The following HPSE2 variants were observed in gnomAD, a reference collection of about 807,000 sequenced individuals.
The protein encoded by HPSE2 is heparanase 2 (inactive).
Under a neutral mutation model 60.5 loss-of-function variants are expected in HPSE2, and 38 were observed. The ratio of observed to expected loss-of-function variants is 0.63; its 90% CI spans 0.48 to 0.82. HPSE2 has a LOEUF of 0.82. HPSE2 is among the 40% of genes least tolerant of loss of function. The pLI is 0.00. For missense variants in HPSE2, 713 were observed against 740.4 expected (o/e 0.96, Z 0.43); for synonymous variants, 295 against 293.2 (o/e 1.01, Z -0.06).
At chr10:98,556,642 C>T (rs1249815287) in intron 9 of HPSE2, among the ~76,000 whole-genome samples, 1 of 151,986 alleles carries the variant, frequency 6.6e-6, no homozygotes, top group Non-Finnish European at 1.5e-5. Flanking sequence ...AACTATAAAA[C>T]CTTATGGAAA....
intron 3 of HPSE2, among the ~76,000 whole-genome samples, chr10:99,078,776 G>A (rs948781264): frequency 3.4e-4 from 52 of 152,212 alleles, no homozygotes; most frequent in African/African-American, 1.2e-3. Context: ...GATGGTATCT[G>A]TGCATTAGAG....
At chr10:99,124,880 T>C (rs1845104650) in intron 3 of HPSE2, among the ~76,000 whole-genome samples, 1 of 152,128 alleles carries the variant, frequency 6.6e-6, no homozygotes, top group Admixed American at 6.5e-5. Flanking sequence ...CTCCATGGAG[T>C]GTGCAGCCCT....
At chr10:99,206,819 T>C (rs984387838) in intron 2 of HPSE2, among the ~76,000 whole-genome samples, 5 of 151,558 alleles carry the variant, frequency 3.3e-5, no homozygotes, top group African/African-American at 4.8e-5. Flanking sequence ...AAGCAGAAGA[T>C]AGAATCAATG....
rs140471867 is a variant in HPSE2 at position 99,198,168 on chromosome 10, G to A, written c.448+34180C>T. The stretch of plus-strand genomic sequence containing the variant: ...ATAAAAAACAATCAAAAACAGCAAA[G>A]GCCCAGTTTCAAATCTTACTAATTA... On this transcript the variant is annotated intron_variant, in intron 2 of 11. Coordinates refer to ENST00000370552, the MANE Select transcript of HPSE2 (RefSeq NM_021828.5). Among the ~76,000 whole-genome samples the A allele has an allele frequency of 2.3e-3, 347 of 151,872 alleles. 1 individual carries two copies. Among genetic ancestry groups the A allele is most frequent in the African/African-American group, 7.9e-3 (325 of 41,392 alleles).
chr10:98,488,780 C>T (rs572750917), intron 10 of HPSE2, among the ~76,000 whole-genome samples: 1 of 152,328 alleles, frequency 6.6e-6, no homozygotes, highest in South Asian at 2.1e-4. Flanking sequence ...ATAAAGCAGT[C>T]ACTCTCTGTC....
rs571667524 is a variant in HPSE2 at position 98,621,560 on chromosome 10, A to C, written c.1099-852T>G. Among the ~76,000 whole-genome samples the C allele has an allele frequency of 7.2e-5, 11 of 152,250 alleles. No homozygotes were observed. In the South Asian group the frequency reaches 2.3e-3, roughly 32 times the overall value. On this transcript the variant is annotated intron_variant, in intron 7 of 11. Coordinates refer to ENST00000370552, the MANE Select transcript of HPSE2 (RefSeq NM_021828.5). ...CAGGAATGAGGGACTGGGGGACTGAAATAGGGAAGAAGGGAAAACTAAGAC... is the reference window on the plus strand; with the variant it reads ...CAGGAATGAGGGACTGGGGGACTGACATAGGGAAGAAGGGAAAACTAAGAC...
intron 3 of HPSE2, among the ~76,000 whole-genome samples, chr10:99,057,932 G>A (rs568566735): frequency 6.6e-6 from 1 of 152,006 alleles, no homozygotes; most frequent in Non-Finnish European, 1.5e-5. Flanking sequence ...AAAAACAGAT[G>A]TCTTCCAATT....
intron 3 of HPSE2, among the ~76,000 whole-genome samples, chr10:98,920,996 G>A (rs1324338261): frequency 6.6e-6 from 1 of 152,128 alleles, no homozygotes; most frequent in African/African-American, 2.4e-5. Context: ...GTCAAGGGAG[G>A]CAGTCTGACA....
chr10:99,074,874 A>G (rs1842909193), intron 3 of HPSE2, among the ~76,000 whole-genome samples: 1 of 151,894 alleles, frequency 6.6e-6, no homozygotes, highest in South Asian at 2.1e-4. Flanking sequence ...GATTCTTTGT[A>G]TTTCTGTGGT....
chr10:99,261,948 C>T, the HPSE2 span, among the ~76,000 whole-genome samples: 1 of 152,212 alleles, frequency 6.6e-6, no homozygotes, highest in Non-Finnish European at 1.5e-5. Flanking sequence ...TGCAGGACCC[C>T]ACTGGAAATC....
the HPSE2 span, among the ~76,000 whole-genome samples, chr10:99,290,847 G>A: frequency 1.2e-4 from 18 of 152,164 alleles, no homozygotes; most frequent in Non-Finnish European, 2.2e-4. Flanking sequence ...AATGTGAGGT[G>A]TAGAACTTTC....
At chr10:99,068,704 C>CA (rs1325612287) in intron 3 of HPSE2, among the ~76,000 whole-genome samples, 1 of 151,814 alleles carries the variant, frequency 6.6e-6, no homozygotes, top group Non-Finnish European at 1.5e-5. Context: ...CTAAAATGTT[C>CA]AAAAAATTGT....
intron 3 of HPSE2, among the ~76,000 whole-genome samples, chr10:98,954,601 T>C (rs2135206752): frequency 6.6e-6 from 1 of 152,322 alleles, no homozygotes; most frequent in Middle Eastern, 3.4e-3. Context: ...AATGTGTTTT[T>C]CTTTGTGGGG....
intron 3 of HPSE2, among the ~76,000 whole-genome samples, chr10:98,851,292 GAATT>G (rs1300864064): frequency 6.6e-6 from 1 of 152,178 alleles, no homozygotes; most frequent in African/African-American, 2.4e-5. Context: ...GGGGGCCTCT[GAATT>G]TTAGTGATGC....
chr10:98,549,287 A>G (rs1943789115), intron 9 of HPSE2, among the ~76,000 whole-genome samples: 1 of 152,226 alleles, frequency 6.6e-6, no homozygotes, highest in Non-Finnish European at 1.5e-5. Context: ...ATAAAATTAA[A>G]TACTTCTAGA....
chr10:98,546,457 T>C (rs981434538), intron 9 of HPSE2, among the ~76,000 whole-genome samples: 34 of 150,100 alleles, frequency 2.3e-4, no homozygotes, highest in African/African-American at 7.8e-4. Flanking sequence ...AAAACAGAGA[T>C]ATAGATCAAT....
At chr10:99,247,133 T>C in the HPSE2 span, among the ~76,000 whole-genome samples, 2 of 152,312 alleles carry the variant, frequency 1.3e-5, no homozygotes, top group Admixed American at 1.3e-4. Context: ...CATACACACA[T>C]ACCCTTCCAT....
chr10:98,570,426 G>A (rs978708393), intron 9 of HPSE2, among the ~76,000 whole-genome samples: 22 of 147,492 alleles, frequency 1.5e-4, no homozygotes, highest in Non-Finnish European at 2.8e-4. Context: ...CTTTCCCTCT[G>A]GACTAAGAGG....
chr10:98,537,958 ATCT>A (rs1943339321), intron 9 of HPSE2, among the ~76,000 whole-genome samples: 1 of 152,184 alleles, frequency 6.6e-6, no homozygotes. Flanking sequence ...AAAGTCTTTG[ATCT>A]TTCTTATAAG....
Sources: gnomAD v4.1 joint callset for allele counts (sites outside exome capture counted in the v4.1 genomes callset) on GRCh38, gnomAD v4.1.1 for gene constraint, MANE v1.5 for transcripts, NCBI Gene and HGNC (gene_info 2026-07-23, HGNC 2026-07-21) for gene names.